The following SYDE2 variants were observed in gnomAD, a reference collection of about 807,000 sequenced individuals.
SYDE2 encodes rho GTPase-activating protein SYDE2.
In SYDE2, 76 loss-of-function variants were observed where a neutral mutation model predicts 91.5. That is an observed-to-expected ratio of 0.83 (90% CI 0.69 to 1.01). The LOEUF is 1.01. SYDE2 is among the 50% of genes least tolerant of loss of function. The pLI, the probability that SYDE2 is intolerant of heterozygous loss-of-function variation, is 0.00. For missense variants in SYDE2, 1,364 were observed against 1,367.7 expected (o/e 1.00, Z 0.04); for synonymous variants, 513 against 506.4 (o/e 1.01, Z -0.18).
intron 2 of SYDE2, among the ~76,000 whole-genome samples, chr1:85,184,190 G>A (rs1658039966): frequency 6.6e-6 from 1 of 152,116 alleles, no homozygotes; most frequent in Non-Finnish European, 1.5e-5. Context: ...CACTCCTTCA[G>A]CACCTAGAAC....
rs559741797 is a variant in SYDE2 at position 85,183,160 on chromosome 1, T to C, written c.1482A>G (p.Gly494=). 1.9e-6 allele frequency: 3 copies of C among 1,599,416 alleles called. No individual in the cohort carries two copies. In the East Asian group the frequency reaches 6.7e-5, roughly 36 times the overall value. The change falls in exon 3 of 7, where the codon GGA becomes GGG. Residue 494 remains glycine (G), a synonymous_variant. Coordinates refer to ENST00000341460, the MANE Select transcript of SYDE2 (RefSeq NM_032184.2). ...GATTTGGAGAAGATGGTTCCATAAT[T>C]CCCAATTCAGTACTATTTGTAGCAG... ...ILAATNSTEL[G]IMEPSSPNPS...
intron 3 of SYDE2, 28 bp downstream of exon 3, chr1:85,182,070 G>A (rs1313032558): frequency 3.9e-6 from 6 of 1,533,106 alleles, no homozygotes; most frequent in Non-Finnish European, 5.2e-6. Flanking sequence ...AATAAAGGAA[G>A]TAGTAGGGAA....
rs1234298516 is a variant in SYDE2 at position 85,190,727 on chromosome 1, A to C, written c.771T>G (p.Ser257=). Residue 257 remains serine (S), a synonymous_variant, in exon 2 of 7, where the codon TCT becomes TCG. Coordinates refer to ENST00000341460, the MANE Select transcript of SYDE2 (RefSeq NM_032184.2). ...CTTCAAGTTCTCTTCCCTTCATTGA[A>C]GACCCATAGGCATTTTCAAATAAAT... ...LTDLFENAYG[S]SMKGRELEEL... 1.2e-6 allele frequency: 2 copies of C among 1,610,808 alleles called. No individual in the cohort carries two copies. The highest frequency in any genetic ancestry group is 2.2e-5 in the South Asian group (2 of 90,472).
At chr1:85,198,566 G>C (rs1557761583) in intron 1 of SYDE2, among the ~76,000 whole-genome samples, 1 of 152,084 alleles carries the variant, frequency 6.6e-6, no homozygotes, top group Non-Finnish European at 1.5e-5. Context: ...CATAATAATT[G>C]TTTCATTTTA....
chr1:85,196,936 T>C (rs750568513), intron 1 of SYDE2, among the ~76,000 whole-genome samples: 7 of 152,218 alleles, frequency 4.6e-5, no homozygotes, highest in Admixed American at 6.5e-5. Flanking sequence ...TACTAAGTTA[T>C]ACAGTCTAAA....
At chr1:85,185,589 G>A (rs1019375546) in intron 2 of SYDE2, among the ~76,000 whole-genome samples, 14 of 152,154 alleles carry the variant, frequency 9.2e-5, no homozygotes, top group Non-Finnish European at 2.1e-4. Context: ...GTTCACTCAT[G>A]ATTTGGCTGT....
downstream of SYDE2, among the ~76,000 whole-genome samples, chr1:85,155,086 A>G (rs1656851937): frequency 6.6e-6 from 1 of 151,910 alleles, no homozygotes; most frequent in Non-Finnish European, 1.5e-5. Flanking sequence ...GAGTACAAAG[A>G]AAATACATCC....
chr1:85,189,838 A>G (rs1281025072), intron 2 of SYDE2, among the ~76,000 whole-genome samples: 2 of 152,128 alleles, frequency 1.3e-5, no homozygotes, highest in Non-Finnish European at 2.9e-5. Flanking sequence ...CTTTCTCAAA[A>G]AAATAAAATA....
At chr1:85,183,224 C>T (rs775919466) in intron 2 of SYDE2, 24 bp from the exon 3 acceptor site, 11 of 1,498,648 alleles carry the variant, frequency 7.3e-6, no homozygotes, top group Admixed American at 2.5e-5. Flanking sequence ...AAGAAAAATA[C>T]GTTATAAAGC....
intron 5 of SYDE2, among the ~76,000 whole-genome samples, 179 bp downstream of exon 5, chr1:85,168,865 T>C (rs546938208): frequency 4.6e-5 from 7 of 152,242 alleles, no homozygotes; most frequent in Non-Finnish European, 8.8e-5. Flanking sequence ...AACTGTTTTC[T>C]AGATTTATTC....
intron 5 of SYDE2, among the ~76,000 whole-genome samples, chr1:85,168,798 T>TA (rs1415554696): frequency 1.3e-5 from 2 of 152,172 alleles, no homozygotes; most frequent in Non-Finnish European, 2.9e-5. Flanking sequence ...ACAATACAAT[T>TA]AAAAAAACTT....
At chr1:85,184,584 C>A (rs1445217182) in intron 2 of SYDE2, among the ~76,000 whole-genome samples, 4 of 151,950 alleles carry the variant, frequency 2.6e-5, no homozygotes, top group Admixed American at 2.0e-4. Flanking sequence ...ATGATTACAA[C>A]TAGATAAAAG....
At chr1:85,169,326 A>T (rs921230615) in intron 4 of SYDE2, 101 bp from the exon 5 acceptor site, 2 of 810,132 alleles carry the variant, frequency 2.5e-6, no homozygotes, top group African/African-American at 1.8e-5. Flanking sequence ...CCAACTTTCA[A>T]CATTTTGAAA....
intron 3 of SYDE2, among the ~76,000 whole-genome samples, chr1:85,179,189 G>A (rs189098650): frequency 6.6e-5 from 10 of 152,254 alleles, no homozygotes; most frequent in Admixed American, 5.9e-4. Flanking sequence ...CAGTCACTTT[G>A]AACTGAAGGA....
At chr1:85,193,906 T>A (rs1164240236) in intron 1 of SYDE2, among the ~76,000 whole-genome samples, 1 of 152,146 alleles carries the variant, frequency 6.6e-6, no homozygotes, top group African/African-American at 2.4e-5. Flanking sequence ...GGAATTACGG[T>A]GTGAGCCACC....
At position 85,159,238 on chromosome 1, in the gene SYDE2, T is replaced by C; in HGVS notation, c.3097A>G (p.Thr1033Ala). 1.3e-6 allele frequency: 1 copy of C among 780,020 alleles called. No individual in the cohort carries two copies. Among genetic ancestry groups the C allele is most frequent in the Non-Finnish European group, 2.4e-6 (1 of 417,904 alleles). The allele number at this position is 780,020 out of a possible 1,614,324, so 48.3% of individuals were successfully genotyped here. Residue 1033 changes from threonine (T) to alanine (A), a missense_variant, in exon 7 of 7, where the codon ACT becomes GCT. Thr to Ala is a moderately conservative substitution (Grantham distance 58, BLOSUM62 0). Coordinates refer to ENST00000341460, the MANE Select transcript of SYDE2 (RefSeq NM_032184.2). ...LLQLWPVQRL[T>A]VKKSTDNLFP... ...AAATTGTCTGTTGATTTTTTGACAG[T>C]TAAACGCTGCACTAGAAACAAACAA... is the stretch of plus-strand genomic sequence containing the variant.
At chr1:85,187,294 T>G (rs1268452355) in intron 2 of SYDE2, among the ~76,000 whole-genome samples, 1 of 151,948 alleles carries the variant, frequency 6.6e-6, no homozygotes, top group African/African-American at 2.4e-5. Flanking sequence ...ATCAGAGAAA[T>G]GCAAATCAAA....
downstream of SYDE2, among the ~76,000 whole-genome samples, chr1:85,155,026 G>GAAAAAAAAAAAAAAAAAAAA (rs1656847004): frequency 1.2e-5 from 1 of 81,424 alleles, no homozygotes; most frequent in Non-Finnish European, 2.7e-5. Context: ...AAAAAAAAAA[G>GAAAAAAAAAAAAAAAAAAAA]AAAAGAAAAA....
rs757624748 is a variant in SYDE2 at position 85,158,958 on chromosome 1, T to C, written c.3377A>G (p.Tyr1126Cys). The change falls in exon 7 of 7, where the codon TAT (tyrosine) becomes TGT (cysteine). Residue 1126 changes from tyrosine (Y) to cysteine (C), a missense_variant. By Grantham distance (194) the Tyr-to-Cys change is radical. Coordinates refer to ENST00000341460, the MANE Select transcript of SYDE2 (RefSeq NM_032184.2). ...TACTTCTGGCCCATCCATTTTGCTA[T>C]AATTTTCTCCGATTTTTCTATCTTC... ...PSEDRKIGENYSKMDGPEVMI... is the reference protein window; with the variant it reads ...PSEDRKIGENCSKMDGPEVMI... 1.9e-5 allele frequency: 15 copies of C among 780,698 alleles called. No homozygotes were observed. The highest frequency in any genetic ancestry group is 1.5e-4 in the South Asian group (11 of 74,548). 48.4% of individuals were successfully genotyped at this position (780,698 alleles called of 1,614,324 possible).
Sources: gnomAD v4.1 joint callset for allele counts (sites outside exome capture counted in the v4.1 genomes callset) on GRCh38, gnomAD v4.1.1 for gene constraint, MANE v1.5 for transcripts, NCBI Gene and HGNC (gene_info 2026-07-23, HGNC 2026-07-21) for gene names.